The following IRAG1 variants were observed in gnomAD, a reference collection of about 807,000 sequenced individuals.
IRAG1 encodes the protein inositol 1,4,5-triphosphate receptor associated 1.
Under a neutral mutation model 106.2 loss-of-function variants are expected in IRAG1, and 62 were observed. That is an observed-to-expected ratio of 0.58 (90% CI 0.48 to 0.72). IRAG1 has a LOEUF of 0.72. Ranked by LOEUF, IRAG1 falls within the 30% of genes least tolerant of loss-of-function variation. The pLI is 0.00. For missense variants in IRAG1, 1,064 were observed against 1,140.7 expected, an observed-to-expected ratio of 0.93 and a Z score of 0.97; for synonymous variants, 462 against 443.9, an observed-to-expected ratio of 1.04 and a Z score of -0.51.
intron 1 of IRAG1, among the ~76,000 whole-genome samples, chr11:10,674,201 C>T (rs1321482160): frequency 1.3e-5 from 2 of 152,152 alleles, no homozygotes; most frequent in Non-Finnish European, 2.9e-5. Context: ...GCACAGAGAG[C>T]GAGAGCTGGG....
rs887265234 is a variant in IRAG1, at chr11:10,574,534, T to C, written c.*1798A>G. On this transcript the variant is annotated 3_prime_UTR_variant, in exon 21 of 21. Transcript: ENST00000423302. ...AAACGTGCCAGAAAGCACAGAGGAG[T>C]GTGTGACCTATTATGTTGTGTCTGG... 2 of 151,578 alleles carry C rather than the reference T, an allele frequency of 1.3e-5. No individual in the cohort carries two copies. Among genetic ancestry groups the C allele is most frequent in the Admixed American group, 6.6e-5 (1 of 15,210 alleles). 9.4% of individuals were successfully genotyped at this position (151,578 alleles called of 1,614,324 possible).
At chr11:10,693,351 G>T (rs1862210894) in intron 1 of IRAG1, 185 bp downstream of exon 1, 2 of 1,207,592 alleles carry the variant, frequency 1.7e-6, no homozygotes, top group Non-Finnish European at 2.2e-6. Context: ...ATTCACTTCT[G>T]ATTTAAAACT....
chr11:10,643,494 T>C (rs1313054660), intron 2 of IRAG1, among the ~76,000 whole-genome samples: 1 of 152,254 alleles, frequency 6.6e-6, no homozygotes, highest in Non-Finnish European at 1.5e-5. Flanking sequence ...TTTACTCTCA[T>C]GCCAACAGAC....
chr11:10,676,441 C>T (rs1860680672), intron 1 of IRAG1, among the ~76,000 whole-genome samples: 1 of 152,222 alleles, frequency 6.6e-6, no homozygotes, highest in African/African-American at 2.4e-5. Flanking sequence ...GTTGACCCCA[C>T]TGTGGGATTG....
rs181426462 is a variant in IRAG1, at chr11:10,669,643, T to G, written c.68-17461A>C. 9.5e-4 allele frequency among the ~76,000 whole-genome samples: 144 copies of G among 152,320 alleles called. 1 individual carries two copies. The highest frequency in any genetic ancestry group is 1.5e-4 in the Non-Finnish European group (10 of 68,024). On this transcript the variant is annotated intron_variant, in intron 1 of 20. Coordinates refer to ENST00000423302, the MANE Select transcript of IRAG1 (RefSeq NM_130385.4). Reference sequence around the variant, plus strand: ...CACTCAGCTCTCCCCCGAGGCCAGATGAAAAGCACATGGATGAAAGCCAAA... The same window carrying G: ...CACTCAGCTCTCCCCCGAGGCCAGAGGAAAAGCACATGGATGAAAGCCAAA...
chr11:10,640,600 A>AGT (rs914631787), intron 2 of IRAG1, among the ~76,000 whole-genome samples: 3 of 152,096 alleles, frequency 2.0e-5, no homozygotes, highest in South Asian at 2.1e-4. Context: ...TCCAGGAGAG[A>AGT]GTGTGTGGGA....
In IRAG1 at chr11:10,628,131, G is replaced by A. The variant is rs1233111663; in HGVS notation, c.653-106C>T. The A allele has an allele frequency of 1.6e-6, 2 of 1,283,546 alleles. No individual in the cohort carries two copies. Among genetic ancestry groups the A allele is most frequent in the Non-Finnish European group, 2.2e-6 (2 of 899,852 alleles). The allele number at this position is 1,283,546 out of a possible 1,614,324, so 79.5% of individuals were successfully genotyped here. ...GGCTATCCTCCCTTTGCAATCTCAG[G>A]CCTGGAAGATTTGCTGACTACCTCC... On this transcript the variant is annotated intron_variant, in intron 6 of 20. Transcript: ENST00000423302. The surrounding 1 kb of genome is among the most constrained non-coding windows in gnomAD (Gnocchi z 4.1).
chr11:10,589,314 G>A (rs1485661028), intron 18 of IRAG1, among the ~76,000 whole-genome samples: 1 of 152,184 alleles, frequency 6.6e-6, no homozygotes, highest in Non-Finnish European at 1.5e-5. Flanking sequence ...GGATAGGGCA[G>A]TTAGAATTGA....
intron 3 of IRAG1, among the ~76,000 whole-genome samples, chr11:10,632,320 A>C (rs1856765528): frequency 6.6e-6 from 1 of 151,488 alleles, no homozygotes; most frequent in Non-Finnish European, 1.5e-5. Context: ...CAAGTATCTG[A>C]GACTACAGGC....
At chr11:10,614,146 G>A (rs1855201919) in intron 10 of IRAG1, among the ~76,000 whole-genome samples, 2 of 152,072 alleles carry the variant, frequency 1.3e-5, no homozygotes, top group African/African-American at 4.8e-5. Context: ...AAGGCTTGGG[G>A]CCATCTCTCC....
chr11:10,632,077 G>C lies in IRAG1; in HGVS notation c.330-16C>G, dbSNP rs757898892. 6.2e-7 allele frequency: 1 copy of C among 1,603,638 alleles called. No individual in the cohort carries two copies. Among genetic ancestry groups the C allele is most frequent in the Non-Finnish European group, 8.5e-7 (1 of 1,170,600 alleles). The stretch of plus-strand genomic sequence containing the variant: ...ACTGTGAACTCTGAAAGACAGAACA[G>C]TCATCTTGTTCAGAAAATCAATCCA... On this transcript the variant is annotated splice_polypyrimidine_tract_variant and intron_variant, in intron 3 of 20. Transcript: ENST00000423302.
intron 14 of IRAG1, 103 bp downstream of exon 14, chr11:10,603,017 A>G (rs1854163582): frequency 7.3e-7 from 1 of 1,364,174 alleles, no homozygotes; most frequent in African/African-American, 1.4e-5. Context: ...GGCCCAGAGG[A>G]AGCCACCTCT....
rs910209587 is a variant in IRAG1, at chr11:10,659,844, T to C, written c.68-7662A>G. On this transcript the variant is annotated intron_variant, in intron 1 of 20. Coordinates refer to ENST00000423302, the MANE Select transcript of IRAG1 (RefSeq NM_130385.4). This position sits in a 1 kb window ranked among gnomAD's most constrained non-coding sequence, Gnocchi z 4.1. ...CCTCCCATTTAGCGCCTAGCAGATA[T>C]AAATCTTGCCCAGTTCTGTTTGTTC... is the stretch of plus-strand genomic sequence containing the variant. Among the ~76,000 whole-genome samples the C allele has an allele frequency of 2.6e-5, 4 of 151,516 alleles. No homozygotes were observed. Among genetic ancestry groups the C allele is most frequent in the African/African-American group, 9.7e-5 (4 of 41,190 alleles).
chr11:10,631,305 C>G (rs933820834), intron 4 of IRAG1, among the ~76,000 whole-genome samples: 1 of 152,184 alleles, frequency 6.6e-6, no homozygotes, highest in African/African-American at 2.4e-5. Flanking sequence ...CAGGGAGGTT[C>G]CTGCTCTTTC....
intron 1 of IRAG1, among the ~76,000 whole-genome samples, chr11:10,661,231 A>T (rs1029973655): frequency 2.0e-5 from 3 of 152,052 alleles, no homozygotes; most frequent in Non-Finnish European, 4.4e-5. Flanking sequence ...CACCCTTTGC[A>T]TACATCCTCC....
chr11:10,615,201 T>C (rs913391422), intron 10 of IRAG1, among the ~76,000 whole-genome samples: 1 of 152,198 alleles, frequency 6.6e-6, no homozygotes, highest in African/African-American at 2.4e-5. Context: ...TCACTGGCCA[T>C]CAGAGAAATG....
intron 2 of IRAG1, among the ~76,000 whole-genome samples, chr11:10,638,389 T>C (rs893305528): frequency 6.6e-6 from 1 of 152,172 alleles, no homozygotes; most frequent in Non-Finnish European, 1.5e-5. Context: ...CCCTGTGTCA[T>C]GTAGTTTTCA....
intron 18 of IRAG1, among the ~76,000 whole-genome samples, chr11:10,584,734 A>G (rs187927317): frequency 6.6e-6 from 1 of 152,078 alleles, no homozygotes; most frequent in East Asian, 1.9e-4. Context: ...TACCAGCTCC[A>G]AAACATGCAA....
chr11:10,643,171 C>T (rs549118981), intron 2 of IRAG1, among the ~76,000 whole-genome samples: 410 of 39,862 alleles, frequency 0.01, 2 homozygotes, highest in African/African-American at 0.051. Context: ...AGTGAGACTC[C>T]GTCTCAAAAA....
Sources: allele counts gnomAD v4.1 joint callset (sites outside exome capture counted in the v4.1 genomes callset), GRCh38; gene constraint gnomAD v4.1.1; non-coding constraint Gnocchi (gnomAD v3.1); transcripts MANE v1.5; gene names NCBI Gene and HGNC (gene_info 2026-07-23, HGNC 2026-07-21).